Variants in TMEM117 observed in about 807,000 individuals in gnomAD.
TMEM117 encodes transmembrane protein 117.
Under a neutral mutation model 52.4 loss-of-function variants are expected in TMEM117, and 27 were observed. That is an observed-to-expected ratio of 0.51 (90% CI 0.38 to 0.71). The LOEUF (loss-of-function observed/expected upper bound fraction) is 0.71, where lower values mean the gene tolerates loss of function less well. Among genes scored for constraint, TMEM117 ranks in the 30% least tolerant of loss-of-function variants. TMEM117 has a pLI of 0.00. For synonymous variants in TMEM117, 215 were observed against 206.3 expected (o/e 1.04, Z -0.36); for missense variants, 556 against 630.5 (o/e 0.88, Z 1.26).
chr12:44,245,535 A>T (rs1247111544), intron 5 of TMEM117, among the ~76,000 whole-genome samples: 1 of 149,914 alleles, frequency 6.7e-6, no homozygotes, highest in Non-Finnish European at 1.5e-5. Context: ...TAATGTTTAT[A>T]TTGATTTTAT....
chr12:44,166,928 T>C (rs1464374394), intron 4 of TMEM117, among the ~76,000 whole-genome samples: 1 of 152,230 alleles, frequency 6.6e-6, no homozygotes, highest in African/African-American at 2.4e-5. Flanking sequence ...ACTAGTATTG[T>C]ATGTAGCTCA....
At chr12:44,306,402 A>G (rs914999714) in intron 6 of TMEM117, among the ~76,000 whole-genome samples, 1 of 152,206 alleles carries the variant, frequency 6.6e-6, no homozygotes, top group Non-Finnish European at 1.5e-5. Flanking sequence ...ACATAGATAT[A>G]TATGTGCAGG....
chr12:44,272,974 A>C (rs546027405), intron 5 of TMEM117, among the ~76,000 whole-genome samples: 12 of 152,180 alleles, frequency 7.9e-5, no homozygotes, highest in Admixed American at 2.0e-4. Context: ...ACCAACCCAA[A>C]TGTCCAACAA....
At chr12:44,215,207 T>C (rs1949699944) in intron 5 of TMEM117, among the ~76,000 whole-genome samples, 1 of 152,222 alleles carries the variant, frequency 6.6e-6, no homozygotes, top group African/African-American at 2.4e-5. Context: ...AATTTTGTTC[T>C]AGTAAACATA....
chr12:44,272,483 G>T (rs548364443), intron 5 of TMEM117, among the ~76,000 whole-genome samples: 2 of 152,056 alleles, frequency 1.3e-5, no homozygotes, highest in Non-Finnish European at 2.9e-5. Flanking sequence ...ATCTGACAAA[G>T]GGCTAATATC....
At chr12:44,323,710 A>G (rs1379930732) in intron 6 of TMEM117, among the ~76,000 whole-genome samples, 1 of 152,138 alleles carries the variant, frequency 6.6e-6, no homozygotes, top group Non-Finnish European at 1.5e-5. Context: ...ACTTTGAACT[A>G]TTAATGTAAC....
At chr12:44,336,110 G>C (rs555135614) in intron 6 of TMEM117, among the ~76,000 whole-genome samples, 18 of 152,110 alleles carry the variant, frequency 1.2e-4, no homozygotes, top group Non-Finnish European at 2.2e-4. Context: ...TTCATAATTT[G>C]TTGCAGAATG....
intron 2 of TMEM117, among the ~76,000 whole-genome samples, chr12:43,901,567 T>C (rs565942344): frequency 6.6e-6 from 1 of 152,278 alleles, no homozygotes; most frequent in Admixed American, 6.5e-5. Flanking sequence ...CATCTCAGCC[T>C]CCCAAATTGC....
intron 5 of TMEM117, among the ~76,000 whole-genome samples, chr12:44,249,208 C>G (rs1181461185): frequency 6.6e-6 from 1 of 151,492 alleles, no homozygotes; most frequent in Non-Finnish European, 1.5e-5. Context: ...GTGTGTGTTT[C>G]CAGGGGTTTG....
the TMEM117 span, among the ~76,000 whole-genome samples, chr12:44,398,790 A>T: frequency 6.6e-6 from 1 of 152,228 alleles, no homozygotes. Context: ...ATGCTTTGCT[A>T]AGGCAGGGAA....
chr12:44,234,909 G>A (rs959488935), intron 5 of TMEM117, among the ~76,000 whole-genome samples: 6 of 151,314 alleles, frequency 4.0e-5, no homozygotes, highest in African/African-American at 1.5e-4. Context: ...TTAAAAATGT[G>A]TATTCTGTAT....
At chr12:43,957,940 A>C (rs573012201) in intron 3 of TMEM117, among the ~76,000 whole-genome samples, 29 of 152,338 alleles carry the variant, frequency 1.9e-4, no homozygotes, top group African/African-American at 6.7e-4. Context: ...ACTTGATGGC[A>C]GCAAAAGGCA....
At chr12:43,811,159 A>G in the TMEM117 span, among the ~76,000 whole-genome samples, 1 of 152,314 alleles carries the variant, frequency 6.6e-6, no homozygotes, top group South Asian at 2.1e-4. Flanking sequence ...TTGCAGCTTG[A>G]TGTGGCCATG....
chr12:44,353,466 T>A (rs1005576618), intron 6 of TMEM117, among the ~76,000 whole-genome samples: 14 of 152,002 alleles, frequency 9.2e-5, no homozygotes, highest in African/African-American at 3.4e-4. Flanking sequence ...CTTGAATTAA[T>A]TTTTGTATAA....
intron 5 of TMEM117, among the ~76,000 whole-genome samples, chr12:44,221,378 G>A (rs1351282675): frequency 6.6e-6 from 1 of 152,168 alleles, no homozygotes; most frequent in Non-Finnish European, 1.5e-5. Context: ...CCTCAAGGCT[G>A]TAGCAACCAC....
At chr12:44,331,106 AC>A (rs1260527877) in intron 6 of TMEM117, among the ~76,000 whole-genome samples, 1 of 151,872 alleles carries the variant, frequency 6.6e-6, no homozygotes, top group Non-Finnish European at 1.5e-5. Context: ...TGTGGAGGTG[AC>A]CACTGAATAT....
At chr12:43,833,270 G>A (rs942510868), upstream of TMEM117, among the ~76,000 whole-genome samples, 2 of 152,214 alleles carry the variant, frequency 1.3e-5, no homozygotes, top group African/African-American at 4.8e-5. Flanking sequence ...TTTCGGTTCT[G>A]ATGAACTGAA....
Position 44,065,834 on chromosome 12 carries a change from T to A in TMEM117, c.411-77691T>A, listed in dbSNP as rs557119421. On this transcript the variant is annotated intron_variant, in intron 3 of 7. Transcript: ENST00000266534. The stretch of plus-strand genomic sequence containing the variant: ...GTAGAGGGCTACATTAAAGTTACCC[T>A]TATAATGTGGTTCCTCTCTCTACGT... Among the ~76,000 whole-genome samples the A allele has an allele frequency of 3.9e-5, 6 of 152,326 alleles. No individual in the cohort carries two copies. The South Asian group carries it at 1.2e-3, about 32-fold the overall frequency.
chr12:43,992,680 G>C (rs1476545054), intron 3 of TMEM117, among the ~76,000 whole-genome samples: 1 of 152,208 alleles, frequency 6.6e-6, no homozygotes, highest in East Asian at 1.9e-4. Flanking sequence ...TCTCAGGTAT[G>C]CATGTGTCCA....
Sources: allele counts gnomAD v4.1 joint callset (sites outside exome capture counted in the v4.1 genomes callset), GRCh38; gene constraint gnomAD v4.1.1; transcripts MANE v1.5; gene names NCBI Gene and HGNC (gene_info 2026-07-23, HGNC 2026-07-21).